Variants in ADAMTSL3 observed in about 807,000 individuals in gnomAD.
The protein encoded by ADAMTSL3 is ADAMTS like 3.
ADAMTSL3 carries 128 observed loss-of-function variants against 201.7 expected under a neutral mutation model. The ratio of observed to expected loss-of-function variants is 0.63; its 90% CI spans 0.55 to 0.73. The LOEUF is 0.73. ADAMTSL3 is among the 30% of genes least tolerant of loss of function. The probability of loss-of-function intolerance (pLI) is 0.00; values close to 1 mark genes in which losing one functional copy is unlikely to be tolerated. For missense variants in ADAMTSL3, 1,990 were observed against 2,119.6 expected (o/e 0.94, Z 1.20); for synonymous variants, 738 against 748.4 (o/e 0.99, Z 0.23).
At chr15:83,944,354 T>C (rs2066617108) in intron 19 of ADAMTSL3, among the ~76,000 whole-genome samples, 1 of 152,140 alleles carries the variant, frequency 6.6e-6, no homozygotes, top group Non-Finnish European at 1.5e-5. Flanking sequence ...AACACATAAT[T>C]AGTTATGTTA....
At position 83,901,938 on chromosome 15, in the gene ADAMTSL3, T is replaced by G. The variant is rs1006425792; in HGVS notation, c.1700+2207T>G. On this transcript the variant is annotated intron_variant, in intron 15 of 29. Transcript: ENST00000286744. ...CTTTTGCTTTCAAAACACAGTTAGA[T>G]GATAGTTGATAATGCTTCTGTATGT... Among the ~76,000 whole-genome samples the G allele has an allele frequency of 2.0e-5, 3 of 152,192 alleles. No individual in the cohort carries two copies. In the East Asian group the frequency reaches 5.8e-4, roughly 29 times the overall value.
rs1167476679 is a variant in ADAMTSL3, at chr15:83,788,120, CTTG to C, written c.317+14473_317+14475del. Among the ~76,000 whole-genome samples the C allele has an allele frequency of 3.9e-5, 6 of 151,956 alleles. No homozygotes were observed. The East Asian group carries it at 5.8e-4, about 15-fold the overall frequency. On this transcript the variant is annotated intron_variant, in intron 4 of 29. Coordinates refer to ENST00000286744, the MANE Select transcript of ADAMTSL3 (RefSeq NM_207517.3). ...AATAATTACCTTGCTTTTTTATTTG[CTTG>C]TTTTCTTAGTTTTTACATGCTTATC...
At chr15:83,891,785 G>A (rs2065503489) in intron 12 of ADAMTSL3, among the ~76,000 whole-genome samples, 1 of 152,200 alleles carries the variant, frequency 6.6e-6, no homozygotes, top group Non-Finnish European at 1.5e-5. Context: ...CAGCCACACT[G>A]TATGTTTTAA....
At chr15:83,667,223 G>A (rs17157758) in intron 2 of ADAMTSL3, among the ~76,000 whole-genome samples, 41,497 of 151,678 alleles carry the variant, frequency 0.27, 5,879 homozygotes, top group South Asian at 0.49. Flanking sequence ...TAATCTTTCC[G>A]TCTTTTCTTG....
intron 2 of ADAMTSL3, among the ~76,000 whole-genome samples, chr15:83,675,591 T>C (rs1336357986): frequency 2.0e-5 from 3 of 151,404 alleles, no homozygotes; most frequent in Non-Finnish European, 4.4e-5. Flanking sequence ...GTTTTCTTTT[T>C]TTTTTTTTTT....
intron 3 of ADAMTSL3, among the ~76,000 whole-genome samples, chr15:83,716,285 C>G (rs2062016655): frequency 1.3e-5 from 2 of 152,036 alleles, no homozygotes; most frequent in African/African-American, 4.8e-5. Flanking sequence ...GGAGGTTCAC[C>G]TGAGGTCAGG....
chr15:83,797,341 G>C (rs1272412248), intron 4 of ADAMTSL3, among the ~76,000 whole-genome samples: 1 of 152,158 alleles, frequency 6.6e-6, no homozygotes, highest in African/African-American at 2.4e-5. Flanking sequence ...GGCTGGGTGT[G>C]GTGGCTTACA....
intron 3 of ADAMTSL3, among the ~76,000 whole-genome samples, chr15:83,712,117 A>G (rs968625205): frequency 1.3e-5 from 2 of 152,200 alleles, no homozygotes; most frequent in African/African-American, 4.8e-5. Flanking sequence ...GTGCTTTGAG[A>G]TGAGGTTGTT....
chr15:83,708,383 A>G (rs1275340779), intron 3 of ADAMTSL3, among the ~76,000 whole-genome samples: 7 of 152,274 alleles, frequency 4.6e-5, no homozygotes, highest in Non-Finnish European at 1.0e-4. Context: ...CATTCTTCAA[A>G]TGTCTCCTGG....
At position 83,982,322 on chromosome 15, in the gene ADAMTSL3, C is replaced by A; in HGVS notation, c.2694C>A (p.Ile898=). The change falls in exon 21 of 30, where the codon ATC becomes ATA. Residue 898 remains isoleucine (I), a synonymous_variant. Coordinates refer to ENST00000286744, the MANE Select transcript of ADAMTSL3 (RefSeq NM_207517.3). ...KTKLGEQGPQ[I]LSVQRVYIQT... ...AACTTGGTGAGCAGGGTCCGCAGAT[C>A]CTCAGTGTCCAGAGAGTCTACATTC... 2 of 1,613,406 alleles carry A rather than the reference C, an allele frequency of 1.2e-6. No homozygotes were observed. Among genetic ancestry groups the A allele is most frequent in the South Asian group, 2.2e-5 (2 of 91,036 alleles).
chr15:83,829,849 C>G (rs547467660), intron 6 of ADAMTSL3, among the ~76,000 whole-genome samples: 5 of 152,154 alleles, frequency 3.3e-5, no homozygotes, highest in Non-Finnish European at 5.9e-5. Flanking sequence ...GAGTGAGTTT[C>G]TTAATCTTGA....
chr15:83,924,445 CTG>C (rs1305620436), intron 17 of ADAMTSL3, among the ~76,000 whole-genome samples: 1 of 152,192 alleles, frequency 6.6e-6, no homozygotes, highest in Non-Finnish European at 1.5e-5. Flanking sequence ...TGTTGAGTGA[CTG>C]TGTAATCTCC....
At chr15:84,027,673 G>A (rs889233211) in intron 27 of ADAMTSL3, among the ~76,000 whole-genome samples, 2 of 152,024 alleles carry the variant, frequency 1.3e-5, no homozygotes, top group African/African-American at 4.8e-5. Flanking sequence ...CCACGCCACT[G>A]CACTCCAGCC....
At chr15:83,927,133 T>C (rs1347279540) in intron 17 of ADAMTSL3, among the ~76,000 whole-genome samples, 1 of 151,974 alleles carries the variant, frequency 6.6e-6, no homozygotes, top group African/African-American at 2.4e-5. Flanking sequence ...TTTTTTTTTT[T>C]TGAGACGGAG....
chr15:83,891,745 A>G (rs1472166566), intron 12 of ADAMTSL3, among the ~76,000 whole-genome samples: 2 of 152,206 alleles, frequency 1.3e-5, no homozygotes, highest in African/African-American at 4.8e-5. Context: ...GTCCATTAGT[A>G]TTTAACAGTT....
At chr15:83,893,876 G>T (rs565015900) in intron 13 of ADAMTSL3, among the ~76,000 whole-genome samples, 12 of 152,304 alleles carry the variant, frequency 7.9e-5, no homozygotes, top group South Asian at 2.1e-4. Flanking sequence ...AGAGTGAGAT[G>T]TAGTTGACTC....
intron 3 of ADAMTSL3, among the ~76,000 whole-genome samples, chr15:83,724,482 A>G (rs919842579): frequency 1.3e-5 from 2 of 152,096 alleles, no homozygotes; most frequent in East Asian, 1.9e-4. Flanking sequence ...CAGGCATGCA[A>G]TACACAATAA....
At chr15:83,843,301 T>C (rs2064422313) in intron 7 of ADAMTSL3, among the ~76,000 whole-genome samples, 1 of 152,134 alleles carries the variant, frequency 6.6e-6, no homozygotes, top group African/African-American at 2.4e-5. Context: ...GCACAGATCC[T>C]TCAGTGCAGG....
At chr15:83,884,338 C>CTTTTTTT (rs35308485) in intron 9 of ADAMTSL3, among the ~76,000 whole-genome samples, 6 of 114,482 alleles carry the variant, frequency 5.2e-5, no homozygotes, top group East Asian at 3.1e-4. Context: ...GCCCTATTTC[C>CTTTTTTT]TTTTTTTTTT....
Sources: gnomAD v4.1 joint callset for allele counts (sites outside exome capture counted in the v4.1 genomes callset) on GRCh38, gnomAD v4.1.1 for gene constraint, MANE v1.5 for transcripts, NCBI Gene and HGNC (gene_info 2026-07-23, HGNC 2026-07-21) for gene names.